ADCY3: variants seen among roughly 807,000 people sequenced by gnomAD.
ADCY3 encodes adenylate cyclase 3, also known as adenylate cyclase type 3.
A neutral mutation model predicts 119.4 loss-of-function variants in ADCY3; 70 were observed. The ratio of observed to expected loss-of-function variants is 0.59; its 90% CI spans 0.48 to 0.72. ADCY3 has a LOEUF of 0.72. Among genes scored for constraint, ADCY3 ranks in the 30% least tolerant of loss-of-function variants. The pLI, the probability that ADCY3 is intolerant of heterozygous loss-of-function variation, is 0.00. For missense variants in ADCY3, 1,238 were observed against 1,541.6 expected (o/e 0.80, Z 3.30); for synonymous variants, 672 against 621.4 (o/e 1.08, Z -1.21).
rs921990189 is a variant in ADCY3 at position 24,918,525 on chromosome 2, G to C, written c.463C>G (p.Leu155Val). ...LLITAQIFSY[L>V]GLNFARAHAA... ...TGGGCACGCGCGAAGTTCAGGCCCA[G>C]GTAGGAGAAGATCTGGGCGGTTATG... Residue 155 changes from leucine (L) to valine (V), a missense_variant, in exon 2 of 22, where the codon CTG (leucine) becomes GTG (valine). Physicochemically the swap from Leu to Val is conservative, Grantham distance 32. This residue lies in a region of ADCY3 where 227 missense variants were observed against 249.3 expected (regional missense o/e 0.91). Transcript: ENST00000679454. This position sits in a 1 kb window ranked among gnomAD's most constrained non-coding sequence, Gnocchi z 5.4. 1 of 1,614,012 alleles carries C rather than the reference G, an allele frequency of 6.2e-7. No individual in the cohort carries two copies. The highest frequency in any genetic ancestry group is 8.5e-7 in the Non-Finnish European group (1 of 1,179,942).
rs1678666418 is a variant in ADCY3 at position 24,899,441 on chromosome 2, C to CAGGATAG, written c.675+18871_675+18872insCTATCCT. Among the ~76,000 whole-genome samples, 2 of 152,250 alleles carry CAGGATAG rather than the reference C, an allele frequency of 1.3e-5. No individual in the cohort carries two copies. The highest frequency in any genetic ancestry group is 2.9e-5 in the Non-Finnish European group (2 of 68,056). On this transcript the variant is annotated intron_variant, in intron 2 of 21. Transcript: ENST00000679454. The surrounding 1 kb of genome is among the most constrained non-coding windows in gnomAD (Gnocchi z 4.5). ...CTGTCACCCCAGCCACCTCTGCCAC[C>CAGGATAG]AGCCTGCCAGGCAAAACTGTCCCTG...
Position 24,918,248 on chromosome 2 carries a change from A to G in ADCY3, c.675+65T>C. The G allele has an allele frequency of 6.7e-7, 1 of 1,500,244 alleles. No homozygotes were observed. 92.9% of individuals were successfully genotyped at this position (1,500,244 alleles called of 1,614,324 possible). On this transcript the variant is annotated intron_variant, in intron 2 of 21. Coordinates refer to ENST00000679454, the MANE Select transcript of ADCY3 (RefSeq NM_004036.5). This position sits in a 1 kb window ranked among gnomAD's most constrained non-coding sequence, Gnocchi z 5.4. ...AAAGGCAAAGCAAACAGCAACTCCAACAGGTCCCAAGTTGGTGAGAGCTGC... is the reference window on the plus strand; with the variant it reads ...AAAGGCAAAGCAAACAGCAACTCCAGCAGGTCCCAAGTTGGTGAGAGCTGC...
At chr2:24,852,719 G>A (rs948162203) in intron 3 of ADCY3, among the ~76,000 whole-genome samples, 4 of 152,250 alleles carry the variant, frequency 2.6e-5, no homozygotes, top group Admixed American at 6.5e-5. Context: ...GCCAGGAGCC[G>A]CTGCCCGAGG....
chr2:24,823,092 G>T (rs375201910), intron 18 of ADCY3, 117 bp downstream of exon 18: 2 of 1,312,172 alleles, frequency 1.5e-6, no homozygotes, highest in Admixed American at 5.6e-5. Flanking sequence ...ATGTATTGCG[G>T]AAGGGGCTTA....
At chr2:24,829,018 T>TTCTC (rs1669036758) in intron 13 of ADCY3, among the ~76,000 whole-genome samples, 1 of 87,980 alleles carries the variant, frequency 1.1e-5, no homozygotes, top group African/African-American at 3.1e-5. Context: ...TTATTCTTTT[T>TTCTC]TTTCTTTTTT....
chr2:24,835,423 G>A (rs1005082070), intron 9 of ADCY3, among the ~76,000 whole-genome samples: 1 of 152,218 alleles, frequency 6.6e-6, no homozygotes, highest in African/African-American at 2.4e-5. Context: ...GGAAAGTGAT[G>A]GGAGAGAGAA....
intron 3 of ADCY3, among the ~76,000 whole-genome samples, chr2:24,865,047 A>G (rs1397329753): frequency 6.6e-6 from 1 of 152,204 alleles, no homozygotes; most frequent in African/African-American, 2.4e-5. Flanking sequence ...ATTGGAAATA[A>G]CCTAGAAATC....
chr2:24,828,787 C>T (rs756657345), intron 13 of ADCY3, among the ~76,000 whole-genome samples: 7 of 152,228 alleles, frequency 4.6e-5, no homozygotes, highest in Non-Finnish European at 8.8e-5. Flanking sequence ...GCAGTTGTTA[C>T]ACCTCCCTAG....
intron 11 of ADCY3, among the ~76,000 whole-genome samples, chr2:24,833,871 C>A (rs1471848410): frequency 6.6e-6 from 1 of 152,246 alleles, no homozygotes; most frequent in Non-Finnish European, 1.5e-5. Context: ...TGTGACCCAG[C>A]CCAAGGCTCC....
intron 7 of ADCY3, chr2:24,838,831 G>A (rs753728157): frequency 1.4e-5 from 22 of 1,608,820 alleles, no homozygotes; most frequent in Non-Finnish European, 1.8e-5. Flanking sequence ...AGCTGTGTGG[G>A]CCGTATGGCA....
intron 15 of ADCY3, 143 bp downstream of exon 15, chr2:24,827,403 A>G: frequency 2.4e-6 from 2 of 819,354 alleles, no homozygotes; most frequent in South Asian, 3.3e-5. Context: ...TCCTGGAGGA[A>G]CCCATGCCAG....
At chr2:24,864,531 T>A (rs1674055094) in intron 3 of ADCY3, among the ~76,000 whole-genome samples, 1 of 152,122 alleles carries the variant, frequency 6.6e-6, no homozygotes, top group Admixed American at 6.5e-5. Flanking sequence ...CAAGGAGATA[T>A]CAGCCTTAAC....
intron 3 of ADCY3, among the ~76,000 whole-genome samples, chr2:24,849,323 T>G (rs763070894): frequency 3.9e-5 from 6 of 152,244 alleles, no homozygotes; most frequent in African/African-American, 1.2e-4. Flanking sequence ...CCTCCCGGTA[T>G]GGCTGGGGTC....
At chr2:24,833,548 G>A (rs1669888609) in intron 11 of ADCY3, among the ~76,000 whole-genome samples, 1 of 152,226 alleles carries the variant, frequency 6.6e-6, no homozygotes, top group South Asian at 2.1e-4. Context: ...TGTGTCTGCA[G>A]TACTTACTCT....
rs1322761116 is a variant in ADCY3, at chr2:24,872,789, G to A, written c.676-70C>T. The A allele has an allele frequency of 1.0e-5, 16 of 1,562,924 alleles. 1 individual carries two copies. The highest frequency in any genetic ancestry group is 2.3e-5 in the East Asian group (1 of 44,166). On this transcript the variant is annotated intron_variant, in intron 2 of 21. Coordinates refer to ENST00000679454, the MANE Select transcript of ADCY3 (RefSeq NM_004036.5). The surrounding 1 kb of genome is among the most constrained non-coding windows in gnomAD (Gnocchi z 4.4). ...CGTCTTCAGAAAAGGGGATGGAGAA[G>A]GGGATGGAGGAGGTGGGGTGGGTGG...
chr2:24,893,332 C>T (rs1677916617), intron 2 of ADCY3, among the ~76,000 whole-genome samples: 1 of 152,074 alleles, frequency 6.6e-6, no homozygotes, highest in East Asian at 1.9e-4. Flanking sequence ...GATCACGCTG[C>T]TGCACTCCAG....
chr2:24,894,701 C>T (rs1210980838), intron 2 of ADCY3, among the ~76,000 whole-genome samples: 2 of 151,568 alleles, frequency 1.3e-5, no homozygotes, highest in Non-Finnish European at 2.9e-5. Context: ...CATTTGGAAG[C>T]CTCTTCACTC....
intron 2 of ADCY3, among the ~76,000 whole-genome samples, chr2:24,876,165 T>C (rs1245923389): frequency 6.6e-6 from 1 of 152,166 alleles, no homozygotes; most frequent in Non-Finnish European, 1.5e-5. Flanking sequence ...GCTAATTTTA[T>C]TCTTTGTAGA....
intron 3 of ADCY3, among the ~76,000 whole-genome samples, chr2:24,864,093 C>T (rs1041373760): frequency 6.6e-6 from 1 of 152,154 alleles, no homozygotes; most frequent in African/African-American, 2.4e-5. Context: ...TCGAGACTAG[C>T]CTGTCTAACA....
Sources: allele counts gnomAD v4.1 joint callset (sites outside exome capture counted in the v4.1 genomes callset), GRCh38; gene constraint gnomAD v4.1.1; regional missense constraint gnomAD v4.1.1; non-coding constraint Gnocchi (gnomAD v3.1); transcripts MANE v1.5; gene names NCBI Gene and HGNC (gene_info 2026-07-23, HGNC 2026-07-21).